IKZF2: variants seen among roughly 807,000 people sequenced by gnomAD.
The protein encoded by IKZF2 is IKAROS family zinc finger 2.
Under a neutral mutation model 49.2 loss-of-function variants are expected in IKZF2, and 15 were observed. The observed-to-expected ratio is 0.30, with a 90% CI of 0.20 to 0.47. The LOEUF (loss-of-function observed/expected upper bound fraction) is 0.47, where lower values mean the gene tolerates loss of function less well. Among genes scored for constraint, IKZF2 ranks in the 20% least tolerant of loss-of-function variants. The pLI, the probability that IKZF2 is intolerant of heterozygous loss-of-function variation, is 1.00. For synonymous variants in IKZF2, 227 were observed against 221.4 expected, an observed-to-expected ratio of 1.03 and a Z score of -0.23; for missense variants, 567 against 664.6, an observed-to-expected ratio of 0.85 and a Z score of 1.61.
chr2:213,141,380 A>G (rs1287533558), intron 4 of IKZF2, among the ~76,000 whole-genome samples: 1 of 151,850 alleles, frequency 6.6e-6, no homozygotes, highest in Non-Finnish European at 1.5e-5. Flanking sequence ...CTTCGTTAAA[A>G]CCATTGACTT....
chr2:213,127,489 C>T (rs2060305251), intron 4 of IKZF2, among the ~76,000 whole-genome samples: 1 of 152,172 alleles, frequency 6.6e-6, no homozygotes, highest in Admixed American at 6.5e-5. Flanking sequence ...CCCATTATGT[C>T]AGTTTCACCT....
intron 6 of IKZF2, among the ~76,000 whole-genome samples, chr2:213,027,132 T>G (rs1486323100): frequency 6.6e-6 from 1 of 152,070 alleles, no homozygotes; most frequent in Non-Finnish European, 1.5e-5. Flanking sequence ...AAATAATATG[T>G]GGGTTATTTT....
chr2:213,076,868 C>G (rs1234478395), intron 4 of IKZF2, among the ~76,000 whole-genome samples: 2 of 152,148 alleles, frequency 1.3e-5, no homozygotes, highest in Non-Finnish European at 2.9e-5. Context: ...CGCCACTGCA[C>G]TCCAGCCTGG....
intron 4 of IKZF2, among the ~76,000 whole-genome samples, chr2:213,115,143 A>G (rs953072699): frequency 5.3e-5 from 8 of 152,220 alleles, no homozygotes; most frequent in Non-Finnish European, 1.0e-4. Context: ...AGCATACTGC[A>G]TGTTCCTACA....
At chr2:213,116,080 A>C (rs1037515440) in intron 4 of IKZF2, among the ~76,000 whole-genome samples, 5 of 152,214 alleles carry the variant, frequency 3.3e-5, no homozygotes, top group Non-Finnish European at 7.3e-5. Context: ...CTTCTAGTTA[A>C]TAACACTATT....
chr2:213,146,639 A>G (rs1425029675), intron 4 of IKZF2, among the ~76,000 whole-genome samples: 1 of 151,784 alleles, frequency 6.6e-6, no homozygotes, highest in African/African-American at 2.4e-5. Flanking sequence ...ATAATAACTT[A>G]CAGTTTCGAG....
chr2:213,085,298 A>G (rs1335500745), intron 4 of IKZF2, among the ~76,000 whole-genome samples: 1 of 152,340 alleles, frequency 6.6e-6, no homozygotes, highest in East Asian at 1.9e-4. Context: ...TTAAACAAAA[A>G]GCCTTTTGGA....
chr2:213,036,072 T>C (rs1310275870), intron 6 of IKZF2, among the ~76,000 whole-genome samples: 1 of 152,152 alleles, frequency 6.6e-6, no homozygotes, highest in Non-Finnish European at 1.5e-5. Context: ...TATTGTTAGA[T>C]TTATTTTGTT....
chr2:213,150,137 T>C lies in IKZF2; in HGVS notation c.-16+7A>G. 7.7e-7 allele frequency: 1 copy of C among 1,291,048 alleles called. No homozygotes were observed. Among genetic ancestry groups the C allele is most frequent in the Non-Finnish European group, 1.0e-6 (1 of 976,952 alleles). 80.0% of individuals were successfully genotyped at this position (1,291,048 alleles called of 1,614,324 possible). On this transcript the variant is annotated splice_region_variant and intron_variant, in intron 2 of 8. Coordinates refer to ENST00000434687, the MANE Select transcript of IKZF2 (RefSeq NM_001387220.1). ...AAAAAGGAGAAAGAGAAACGAAATG[T>C]ACATACAAAAGAAATTGTCCTTTGA...
chr2:213,009,163 T>C (rs1695666641), intron 8 of IKZF2, among the ~76,000 whole-genome samples: 1 of 152,134 alleles, frequency 6.6e-6, no homozygotes, highest in Non-Finnish European at 1.5e-5. Context: ...TTTTTCTTGA[T>C]TGAAGCATGT....
At chr2:213,060,697 T>C (rs1701599430) in intron 4 of IKZF2, among the ~76,000 whole-genome samples, 1 of 151,464 alleles carries the variant, frequency 6.6e-6, no homozygotes, top group Non-Finnish European at 1.5e-5. Flanking sequence ...AAAAAGAATT[T>C]TGCCAGAACA....
intron 6 of IKZF2, among the ~76,000 whole-genome samples, chr2:213,031,425 T>C (rs1014755329): frequency 1.3e-5 from 2 of 152,210 alleles, no homozygotes; most frequent in Non-Finnish European, 1.5e-5. Context: ...GTATGGGACC[T>C]TTAAAGTAAA....
At chr2:213,116,399 G>T (rs538636836) in intron 4 of IKZF2, among the ~76,000 whole-genome samples, 1 of 152,250 alleles carries the variant, frequency 6.6e-6, no homozygotes, top group East Asian at 1.9e-4. Context: ...TATATGCAAA[G>T]CACTTAGAAC....
chr2:213,129,482 AAAAG>A (rs2060398941), intron 4 of IKZF2, among the ~76,000 whole-genome samples: 1 of 151,714 alleles, frequency 6.6e-6, no homozygotes. Flanking sequence ...CATGTCCCGG[AAAAG>A]AAAAAGGGAA....
chr2:213,064,454 C>A (rs1017571211), intron 4 of IKZF2, among the ~76,000 whole-genome samples: 3 of 151,994 alleles, frequency 2.0e-5, no homozygotes, highest in Non-Finnish European at 4.4e-5. Flanking sequence ...GGCAAAATAT[C>A]TAACTTCCTG....
At chr2:213,073,978 T>C (rs926761496) in intron 4 of IKZF2, among the ~76,000 whole-genome samples, 3 of 152,310 alleles carry the variant, frequency 2.0e-5, no homozygotes, top group African/African-American at 7.2e-5. Context: ...TATTTTACTA[T>C]CCTCTCAAAC....
chr2:213,078,972 T>C (rs369885591), intron 4 of IKZF2, among the ~76,000 whole-genome samples: 20 of 152,218 alleles, frequency 1.3e-4, no homozygotes, highest in Non-Finnish European at 2.2e-4. Flanking sequence ...TAGCCCATCA[T>C]TGTGACGTTA....
chr2:213,145,052 C>G (rs905544084), intron 4 of IKZF2, among the ~76,000 whole-genome samples: 1 of 151,590 alleles, frequency 6.6e-6, no homozygotes, highest in African/African-American at 2.4e-5. Flanking sequence ...AGAAGAGTTA[C>G]CAAATAGCTT....
chr2:213,059,005 A>G (rs1701437782), intron 4 of IKZF2, among the ~76,000 whole-genome samples: 1 of 151,784 alleles, frequency 6.6e-6, no homozygotes, highest in Non-Finnish European at 1.5e-5. Flanking sequence ...ATTTGAAATT[A>G]TTTCTTGTTT....
Sources: allele counts gnomAD v4.1 joint callset (sites outside exome capture counted in the v4.1 genomes callset), GRCh38; gene constraint gnomAD v4.1.1; transcripts MANE v1.5; gene names NCBI Gene and HGNC (gene_info 2026-07-23, HGNC 2026-07-21).